DMD: variants seen among roughly 807,000 people sequenced by gnomAD.
DMD encodes the protein dystrophin, also known as mutant dystrophin.
In DMD, 63 loss-of-function variants were observed where a neutral mutation model predicts 330.1. The observed-to-expected ratio is 0.19, with a 90% CI of 0.16 to 0.24. DMD has a LOEUF of 0.24. Among genes scored for constraint, DMD ranks in the 10% least tolerant of loss-of-function variants. DMD has a pLI of 1.00. For synonymous variants in DMD, 1,223 were observed against 959.8 expected (o/e 1.27, Z -5.07); for missense variants, 3,344 against 2,684.1 (o/e 1.25, Z -5.43).
At chrX:31,660,276 C>G (rs371741412) in intron 53 of DMD, among the ~76,000 whole-genome samples, 64 of 112,138 alleles carry the variant, frequency 5.7e-4, no homozygotes, top group African/African-American at 1.9e-3. Context: ...TCAAGCATTA[C>G]AGTTTCTATT....
At chrX:32,887,470 C>A (rs1188125613) in intron 2 of DMD, among the ~76,000 whole-genome samples, 1 of 109,917 alleles carries the variant, frequency 9.1e-6, no homozygotes, top group East Asian at 2.9e-4. Context: ...AAAACATGGA[C>A]TATGAGAGGT....
At chrX:33,268,816 G>A (rs5972801) in intron 1 of DMD, among the ~76,000 whole-genome samples, 1,304 of 107,210 alleles carry the variant, frequency 0.012, 28 homozygotes, top group African/African-American at 0.042. Flanking sequence ...AATCCCAGCT[G>A]CTAGGGAGGC....
At chrX:32,035,881 A>G (rs1921374) in intron 44 of DMD, among the ~76,000 whole-genome samples, 7,695 of 111,620 alleles carry the variant, frequency 0.069, 229 homozygotes, top group East Asian at 0.2. Context: ...GATTCCGGGA[A>G]TTGTACAGAC....
intron 1 of DMD, among the ~76,000 whole-genome samples, chrX:33,268,907 CAAAAAA>C (rs202219233): frequency 0.018 from 781 of 43,314 alleles, 2 homozygotes; most frequent in African/African-American, 0.025. Context: ...GCCTGGGTGA[CAAAAAA>C]AAAAAAAAAA....
At chrX:33,004,122 A>G (rs1474706282) in intron 2 of DMD, among the ~76,000 whole-genome samples, 3 of 112,168 alleles carry the variant, frequency 2.7e-5, no homozygotes, top group Non-Finnish European at 5.6e-5. Context: ...AGGAAAATAT[A>G]TGAGTATGAA....
At chrX:32,405,799 G>A (rs1569561379) in intron 30 of DMD, among the ~76,000 whole-genome samples, 1 of 111,687 alleles carries the variant, frequency 9.0e-6, no homozygotes, top group Non-Finnish European at 1.9e-5. Flanking sequence ...AAAGGCATTG[G>A]TAGCTTGATG....
intron 55 of DMD, among the ~76,000 whole-genome samples, chrX:31,532,104 G>A (rs1274131458): frequency 1.1e-5 from 1 of 92,379 alleles, no homozygotes; most frequent in East Asian, 3.6e-4. Flanking sequence ...AGTAAGGCAG[G>A]CCAACGTTCA....
At chrX:33,200,777 T>C (rs1303014480) in intron 1 of DMD, among the ~76,000 whole-genome samples, 2 of 110,524 alleles carry the variant, frequency 1.8e-5, no homozygotes, top group East Asian at 5.7e-4. Context: ...TTCTATAGCT[T>C]ATCCAAAGAT....
intron 60 of DMD, among the ~76,000 whole-genome samples, chrX:31,372,873 A>G (rs1403554039): frequency 9.0e-6 from 1 of 111,476 alleles, no homozygotes; most frequent in Admixed American, 9.5e-5. Flanking sequence ...GGAAAAGAGG[A>G]AGTCAAATTG....
At chrX:32,093,529 A>C (rs991629547) in intron 44 of DMD, among the ~76,000 whole-genome samples, 1 of 112,123 alleles carries the variant, frequency 8.9e-6, no homozygotes, top group Non-Finnish European at 1.9e-5. Flanking sequence ...TTGTCGAAAA[A>C]CTAAAAATTT....
intron 1 of DMD, among the ~76,000 whole-genome samples, chrX:33,246,338 A>G (rs1183632626): frequency 9.0e-6 from 1 of 111,662 alleles, no homozygotes; most frequent in Non-Finnish European, 1.9e-5. Flanking sequence ...AGGGTCAACA[A>G]GCTAACAGTG....
intron 2 of DMD, among the ~76,000 whole-genome samples, chrX:33,014,533 A>G (rs1186931828): frequency 9.0e-6 from 1 of 111,699 alleles, no homozygotes; most frequent in Non-Finnish European, 1.9e-5. Flanking sequence ...TAGTTGCTGC[A>G]GGAACAGATT....
chrX:31,599,892 A>T (rs1444314563), intron 55 of DMD, among the ~76,000 whole-genome samples: 3 of 111,149 alleles, frequency 2.7e-5, no homozygotes, highest in South Asian at 3.7e-4. Context: ...AACTATGGTC[A>T]TTTTTTTCTG....
chrX:31,406,923 G>A lies in DMD; in HGVS notation c.9084+37558C>T, dbSNP rs778578856. The stretch of plus-strand genomic sequence containing the variant: ...CACATTTAAGGCACCCTAATCCAAG[G>A]CATGTTCATTTCCACAAGCTTTACC... On this transcript the variant is annotated intron_variant, in intron 60 of 78. Transcript: ENST00000357033. Among the ~76,000 whole-genome samples, 4 of 111,502 alleles carry A rather than the reference G, an allele frequency of 3.6e-5. No homozygotes were observed. The Admixed American group carries it at 3.8e-4, about 11-fold the overall frequency.
At chrX:32,261,577 A>G (rs768772364) in intron 43 of DMD, among the ~76,000 whole-genome samples, 245 of 112,112 alleles carry the variant, frequency 2.2e-3, no homozygotes, top group Non-Finnish European at 2.3e-3. Context: ...GACTTGGTAA[A>G]TTTAAGAGAA....
intron 7 of DMD, among the ~76,000 whole-genome samples, chrX:32,777,723 T>A: frequency 8.9e-6 from 1 of 112,579 alleles, no homozygotes; most frequent in East Asian, 2.8e-4. Context: ...GCAAGGAAAT[T>A]TCAGATGCTT....
chrX:33,033,099 G>A (rs1156534585), intron 1 of DMD, among the ~76,000 whole-genome samples: 9 of 110,918 alleles, frequency 8.1e-5, no homozygotes, highest in Admixed American at 2.9e-4. Context: ...TTAATCAGGT[G>A]CCAATGCTAA....
chrX:31,562,649 A>T (rs1344351390), intron 55 of DMD, among the ~76,000 whole-genome samples: 5 of 112,243 alleles, frequency 4.5e-5, no homozygotes, highest in Non-Finnish European at 9.4e-5. Flanking sequence ...TTTGAATTTT[A>T]AAAAATATTA....
chrX:32,332,794 T>G (rs908170633), intron 41 of DMD, among the ~76,000 whole-genome samples: 1 of 111,419 alleles, frequency 9.0e-6, no homozygotes, highest in African/African-American at 3.3e-5. Context: ...TCAAATGTTG[T>G]CCCTGTGTAT....
Sources: gnomAD v4.1 joint callset for allele counts (sites outside exome capture counted in the v4.1 genomes callset) on GRCh38, gnomAD v4.1.1 for gene constraint, MANE v1.5 for transcripts, NCBI Gene and HGNC (gene_info 2026-07-23, HGNC 2026-07-21) for gene names.